Variants in GRIN2B observed in about 807,000 individuals in gnomAD.
GRIN2B encodes the protein glutamate ionotropic receptor NMDA type subunit 2B.
Under a neutral mutation model 114.5 loss-of-function variants are expected in GRIN2B, and 5 were observed. The observed-to-expected ratio is 0.04, with a 90% confidence interval of 0.02 to 0.09. The LOEUF (loss-of-function observed/expected upper bound fraction) is 0.09. GRIN2B is among the 10% of genes least tolerant of loss of function. The probability of loss-of-function intolerance (pLI) is 1.00; values close to 1 mark genes in which losing one functional copy is unlikely to be tolerated. For missense variants in GRIN2B, 1,108 were observed against 1,943.5 expected (o/e 0.57, Z 8.08); for synonymous variants, 787 against 745.1 (o/e 1.06, Z -0.92).
rs200657400 is a variant in GRIN2B, at chr12:13,563,293, G to A, written c.3945C>T (p.Ala1315=). ...GGCTTACGCTGCGCGGGGCCAGGGCGGCTTCTTCCTTCTGCAGGTCCACGA... is the reference window on the plus strand; with the variant it reads ...GGCTTACGCTGCGCGGGGCCAGGGCAGCTTCTTCCTTCTGCAGGTCCACGA... ...DTFVDLQKEE[A]ALAPRSVSLK... is the part of the protein sequence containing the mutation. The change falls in exon 14 of 14, where the codon GCC becomes GCT. Residue 1315 remains alanine, a synonymous_variant. Coordinates refer to ENST00000609686, the MANE Select transcript of GRIN2B (RefSeq NM_000834.5). The A allele has an allele frequency of 2.2e-5, 35 of 1,614,088 alleles. No homozygotes were observed. Among genetic ancestry groups the A allele is most frequent in the Admixed American group, 8.3e-5 (5 of 60,010 alleles).
At chr12:13,979,725 C>A (rs1450810554) in intron 2 of GRIN2B, among the ~76,000 whole-genome samples, 2 of 152,022 alleles carry the variant, frequency 1.3e-5, no homozygotes, top group African/African-American at 2.4e-5. Flanking sequence ...CCCAAAAGCC[C>A]AAAACCTGTT....
chr12:13,697,254 A>T (rs1950269085), intron 4 of GRIN2B, among the ~76,000 whole-genome samples: 2 of 152,162 alleles, frequency 1.3e-5, no homozygotes, highest in South Asian at 4.1e-4. Context: ...TAAATGTGCA[A>T]CCATAACCTT....
At chr12:13,828,994 A>G (rs373129614) in intron 3 of GRIN2B, among the ~76,000 whole-genome samples, 5 of 151,868 alleles carry the variant, frequency 3.3e-5, no homozygotes, top group African/African-American at 9.7e-5. Flanking sequence ...TTCTAGCCAC[A>G]TTTGCTTGCT....
chr12:13,961,153 G>T (rs1250531793), intron 2 of GRIN2B, among the ~76,000 whole-genome samples: 1 of 152,084 alleles, frequency 6.6e-6, no homozygotes, highest in African/African-American at 2.4e-5. Flanking sequence ...CCTGCAAGTG[G>T]GTGGGTCAGT....
chr12:13,664,335 CT>C (rs1949954203), intron 5 of GRIN2B, among the ~76,000 whole-genome samples: 1 of 152,090 alleles, frequency 6.6e-6, no homozygotes, highest in African/African-American at 2.4e-5. Flanking sequence ...GAGAAGAACA[CT>C]TTGCCCTGTG....
chr12:13,847,128 A>G (rs939459902), intron 3 of GRIN2B, among the ~76,000 whole-genome samples: 1 of 152,222 alleles, frequency 6.6e-6, no homozygotes, highest in African/African-American at 2.4e-5. Flanking sequence ...TATCTATTAT[A>G]TTGAGCTCAA....
intron 5 of GRIN2B, among the ~76,000 whole-genome samples, chr12:13,655,473 A>G (rs1949854316): frequency 6.6e-6 from 1 of 152,200 alleles, no homozygotes; most frequent in Non-Finnish European, 1.5e-5. Context: ...GGACACTTAG[A>G]AGCTACTGCA....
intron 2 of GRIN2B, among the ~76,000 whole-genome samples, chr12:13,896,226 C>G (rs2136782340): frequency 6.6e-6 from 1 of 152,162 alleles, no homozygotes; most frequent in East Asian, 1.9e-4. Flanking sequence ...AGGATCACAC[C>G]AGGGGAAATG....
intron 3 of GRIN2B, among the ~76,000 whole-genome samples, chr12:13,816,974 T>G (rs943463254): frequency 2.0e-5 from 3 of 152,184 alleles, no homozygotes; most frequent in African/African-American, 4.8e-5. Context: ...ATTGGGTTCT[T>G]TTATTTTCTT....
At chr12:13,798,337 C>T (rs1864451862) in intron 3 of GRIN2B, among the ~76,000 whole-genome samples, 1 of 152,054 alleles carries the variant, frequency 6.6e-6, no homozygotes, top group Admixed American at 6.6e-5. Flanking sequence ...CATACCAGCC[C>T]CTAGGGATTC....
chr12:13,660,281 C>T (rs540995802), intron 5 of GRIN2B, among the ~76,000 whole-genome samples: 4 of 152,260 alleles, frequency 2.6e-5, no homozygotes, highest in South Asian at 4.1e-4. Context: ...GTCATCTTAG[C>T]GGCTGCCTAC....
Position 13,540,852 on chromosome 12 carries a change from C to T in GRIN2B, c.*21931G>A, listed in dbSNP as rs948414260. The T allele has an allele frequency of 1.3e-5, 2 of 152,226 alleles. No homozygotes were observed. The highest frequency in any genetic ancestry group is 2.9e-5 in the Non-Finnish European group (2 of 68,056). The allele number at this position is 152,226 out of a possible 1,614,324, so 9.4% of individuals were successfully genotyped here. A position where few individuals can be genotyped will look rare whatever the true frequency, so the allele number is the denominator to read the frequency against. Reference sequence around the variant, plus strand: ...GAGTCTGGGCCTCGCAGAGCTGAGGCAAGCCTGAGTCGTCGGTGCTCCCTG... The same window carrying T: ...GAGTCTGGGCCTCGCAGAGCTGAGGTAAGCCTGAGTCGTCGGTGCTCCCTG... On this transcript the variant is annotated 3_prime_UTR_variant, in exon 14 of 14. Transcript: ENST00000609686.
intron 4 of GRIN2B, among the ~76,000 whole-genome samples, chr12:13,746,992 T>C (rs1033724556): frequency 6.6e-6 from 1 of 152,158 alleles, no homozygotes; most frequent in African/African-American, 2.4e-5. Flanking sequence ...CTTTATAAAT[T>C]ACCCGGCCTT....
At chr12:13,613,376 C>T (rs1011279490) in intron 8 of GRIN2B, among the ~76,000 whole-genome samples, 14 of 152,050 alleles carry the variant, frequency 9.2e-5, no homozygotes, top group Admixed American at 2.0e-4. Context: ...ATATATAATC[C>T]TTCTAATGGC....
intron 2 of GRIN2B, among the ~76,000 whole-genome samples, chr12:13,871,272 A>C (rs1321239151): frequency 6.6e-6 from 1 of 152,072 alleles, no homozygotes; most frequent in Non-Finnish European, 1.5e-5. Flanking sequence ...ACAAAAATAC[A>C]TCAATAGATT....
chr12:13,777,961 A>C (rs1240323490), intron 3 of GRIN2B, among the ~76,000 whole-genome samples: 1 of 152,240 alleles, frequency 6.6e-6, no homozygotes, highest in African/African-American at 2.4e-5. Flanking sequence ...TACCTAAAAC[A>C]ATTGAAATTC....
chr12:13,615,384 G>T lies in GRIN2B; in HGVS notation c.1500+109C>A, dbSNP rs964176855. The T allele has an allele frequency of 5.7e-5, 80 of 1,409,910 alleles. No individual in the cohort carries two copies. In the East Asian group the frequency reaches 1.7e-3, roughly 30 times the overall value. 87.3% of individuals were successfully genotyped at this position (1,409,910 alleles called of 1,614,324 possible). ...ATAGTGGGAACAATACATCTTATTT[G>T]CCATTTTATATTTTCTGAAATGCAT... On this transcript the variant is annotated intron_variant, in intron 7 of 13. Transcript: ENST00000609686. This position sits in a 1 kb window ranked among gnomAD's most constrained non-coding sequence, Gnocchi z 5.8.
intron 3 of GRIN2B, among the ~76,000 whole-genome samples, chr12:13,849,477 C>A (rs1329209404): frequency 1.3e-5 from 2 of 152,058 alleles, no homozygotes; most frequent in African/African-American, 4.8e-5. Flanking sequence ...AGGCTTCAGA[C>A]CTTATTTCCT....
intron 3 of GRIN2B, among the ~76,000 whole-genome samples, chr12:13,844,599 C>A (rs1045309220): frequency 1.3e-5 from 2 of 152,158 alleles, no homozygotes; most frequent in Non-Finnish European, 2.9e-5. Context: ...TTACATGGTT[C>A]TCTTCTCTTG....
Sources: allele counts gnomAD v4.1 joint callset (sites outside exome capture counted in the v4.1 genomes callset), GRCh38; gene constraint gnomAD v4.1.1; non-coding constraint Gnocchi (gnomAD v3.1); transcripts MANE v1.5; gene names NCBI Gene and HGNC (gene_info 2026-07-23, HGNC 2026-07-21).